Variants in ACSL1 observed in about 807,000 individuals in gnomAD.
The protein encoded by ACSL1 is acyl-CoA synthetase long chain family member 1.
ACSL1 carries 41 observed loss-of-function variants against 98.4 expected under a neutral mutation model. That is an observed-to-expected ratio of 0.42 (90% CI 0.32 to 0.54). ACSL1 has a LOEUF of 0.54. Ranked by LOEUF, ACSL1 falls within the 20% of genes least tolerant of loss-of-function variation. ACSL1 has a pLI of 0.13. For synonymous variants in ACSL1, 316 were observed against 322.7 expected (o/e 0.98, Z 0.22); for missense variants, 734 against 883.1 (o/e 0.83, Z 2.14).
intron 16 of ACSL1, among the ~76,000 whole-genome samples, chr4:184,762,877 C>T (rs1298734407): frequency 6.6e-6 from 1 of 152,234 alleles, no homozygotes; most frequent in African/African-American, 2.4e-5. Context: ...AATCAACAGG[C>T]AGGACCTTCG....
intron 18 of ACSL1, among the ~76,000 whole-genome samples, chr4:184,760,039 AC>A (rs1762639950): frequency 6.6e-6 from 1 of 152,096 alleles, no homozygotes; most frequent in Non-Finnish European, 1.5e-5. Flanking sequence ...CTTTCTTATA[AC>A]CCATGTCAAT....
At chr4:184,802,657 C>T (rs55818612) in intron 2 of ACSL1, among the ~76,000 whole-genome samples, 15,373 of 152,248 alleles carry the variant, frequency 0.1, 952 homozygotes, top group Non-Finnish European at 0.14. Flanking sequence ...GGTTTCCTTA[C>T]GCCATCCCTC....
chr4:184,796,766 T>A (rs553357414), intron 2 of ACSL1, among the ~76,000 whole-genome samples: 10 of 152,340 alleles, frequency 6.6e-5, no homozygotes, highest in Admixed American at 6.5e-4. Flanking sequence ...TGATTTCTGT[T>A]CCAAAGCTTC....
In ACSL1 at chr4:184,803,317, C is replaced by T; in HGVS notation, c.195+3G>A. Reference sequence around the variant, plus strand: ...CACGAGGCAGGCTGGGCCCTCCACTCACCGCCACTTCCACTGACTGCATGG... The same window carrying T: ...CACGAGGCAGGCTGGGCCCTCCACTTACCGCCACTTCCACTGACTGCATGG... On this transcript the variant is annotated splice_donor_region_variant and intron_variant, in intron 2 of 20. Transcript: ENST00000281455. This position sits in a 1 kb window ranked among gnomAD's most constrained non-coding sequence, Gnocchi z 4.8. The T allele has an allele frequency of 6.4e-7, 1 of 1,569,328 alleles. No individual in the cohort carries two copies.
intron 2 of ACSL1, among the ~76,000 whole-genome samples, chr4:184,794,970 C>T (rs965427248): frequency 6.6e-6 from 1 of 152,018 alleles, no homozygotes; most frequent in African/African-American, 2.4e-5. Flanking sequence ...GAGGCTGACA[C>T]GGTACTTCGC....
At chr4:184,782,428 C>T (rs1299771738) in intron 4 of ACSL1, among the ~76,000 whole-genome samples, 2 of 152,070 alleles carry the variant, frequency 1.3e-5, no homozygotes, top group East Asian at 1.9e-4. Context: ...TAGATTCACA[C>T]CTTCAGAAAC....
rs578052191 is a variant in ACSL1, at chr4:184,806,239, A to G, written c.-32-2693T>C. ...GAGGAAGGGATGTACACCAGGCGGG[A>G]TAAGCAGACAAATCAAGTCCATGTC... On this transcript the variant is annotated intron_variant, in intron 1 of 20. Transcript: ENST00000281455. Among the ~76,000 whole-genome samples, 3 of 152,312 alleles carry G rather than the reference A, an allele frequency of 2.0e-5. No individual in the cohort carries two copies. The South Asian group carries it at 6.2e-4, about 32-fold the overall frequency.
intron 4 of ACSL1, among the ~76,000 whole-genome samples, chr4:184,783,134 T>C (rs116764748): frequency 1.5e-3 from 228 of 152,278 alleles, no homozygotes; most frequent in African/African-American, 5.1e-3. Context: ...GGGTGCCGTG[T>C]GGACTGGGGA....
rs1763083699 is a variant in ACSL1, at chr4:184,763,114, C to A, written c.1521+53G>T. Reference sequence around the variant, plus strand: ...GAAATACCACAGCATTCGCAAAGGCCAGCGATCACAGGAAATGGCAGCGAG... The same window carrying A: ...GAAATACCACAGCATTCGCAAAGGCAAGCGATCACAGGAAATGGCAGCGAG... On this transcript the variant is annotated intron_variant, in intron 16 of 20. Transcript: ENST00000281455. 3 of 1,583,878 alleles carry A rather than the reference C, an allele frequency of 1.9e-6. No homozygotes were observed. The East Asian group carries it at 6.7e-5, about 36-fold the overall frequency.
At chr4:184,791,481 A>C (rs1301534503) in intron 2 of ACSL1, among the ~76,000 whole-genome samples, 2 of 152,248 alleles carry the variant, frequency 1.3e-5, no homozygotes, top group Non-Finnish European at 2.9e-5. Flanking sequence ...AAATCACACC[A>C]GACCTGCTGA....
Position 184,757,945 on chromosome 4 carries a change from T to C in ACSL1, c.1783-25A>G, listed in dbSNP as rs1401301421. The stretch of plus-strand genomic sequence containing the variant: ...CCTTTAACACAGACAAATGAGTTAT[T>C]ACATAGCTTGATCCAAATGCTCTAA... On this transcript the variant is annotated intron_variant, in intron 18 of 20. Coordinates refer to ENST00000281455, the MANE Select transcript of ACSL1 (RefSeq NM_001995.5). The surrounding 1 kb of genome is among the most constrained non-coding windows in gnomAD (Gnocchi z 4.5). 6.3e-7 allele frequency: 1 copy of C among 1,596,834 alleles called. No individual in the cohort carries two copies. Among genetic ancestry groups the C allele is most frequent in the East Asian group, 2.2e-5 (1 of 44,794 alleles).
intron 1 of ACSL1, among the ~76,000 whole-genome samples, chr4:184,820,297 G>A (rs1561252018): frequency 6.6e-6 from 1 of 152,184 alleles, no homozygotes; most frequent in African/African-American, 2.4e-5. Flanking sequence ...GATTACAGGC[G>A]TGAGCCACTG....
At chr4:184,812,168 G>A (rs377328332) in intron 1 of ACSL1, 3 of 984,404 alleles carry the variant, frequency 3.0e-6, no homozygotes, top group African/African-American at 3.5e-5. Flanking sequence ...ACAGCGAATG[G>A]TACTTAGTAC....
At position 184,773,674 on chromosome 4, in the gene ACSL1, C is replaced by T; in HGVS notation, c.830G>A (p.Ser277Asn). The T allele has an allele frequency of 6.2e-7, 1 of 1,611,550 alleles. No individual in the cohort carries two copies. The highest frequency in any genetic ancestry group is 8.5e-7 in the Non-Finnish European group (1 of 1,179,262). ...ATCTCAAAACTCACCTGTAGTTCCA[C>T]TTGTGAAACAAATTACTGCAAGATC... ...PEDLAVICFTSGTTGNPKGAM... is the reference protein window; with the variant it reads ...PEDLAVICFTNGTTGNPKGAM... Residue 277 changes from serine to asparagine, a missense_variant, in exon 9 of 21, where the codon AGT (serine) becomes AAT (asparagine). Physicochemically the swap from Ser to Asn is conservative, Grantham distance 46 (BLOSUM62 1). Transcript: ENST00000281455. The surrounding 1 kb of genome is among the most constrained non-coding windows in gnomAD (Gnocchi z 4.3).
At position 184,757,144 on chromosome 4, in the gene ACSL1, T is replaced by C. The variant is rs750519959; in HGVS notation, c.2078A>G (p.Tyr693Cys). The part of the protein sequence containing the change: ...NYFRSQIDDL[Y>C]STIKV ...TTCACACTAAACCTTGATAGTGGAA[T>C]AGAGGTCATCTATCTGCGACCTGAA... The change falls in exon 21 of 21, where the codon TAT becomes TGT. Residue 693 changes from tyrosine to cysteine, a missense_variant. Coordinates refer to ENST00000281455, the MANE Select transcript of ACSL1 (RefSeq NM_001995.5). The surrounding 1 kb of genome is among the most constrained non-coding windows in gnomAD (Gnocchi z 4.5). The C allele has an allele frequency of 6.2e-7, 1 of 1,601,260 alleles. No individual in the cohort carries two copies. The highest frequency in any genetic ancestry group is 2.2e-5 in the East Asian group (1 of 44,508).
At chr4:184,788,428 G>A in intron 3 of ACSL1, 189 bp downstream of exon 3, 1 of 681,512 alleles carries the variant, frequency 1.5e-6, no homozygotes, top group Non-Finnish European at 2.7e-6. Context: ...GAGCCCCCAG[G>A]GCCACAGGGA....
intron 2 of ACSL1, 47 bp from the exon 3 acceptor site, chr4:184,788,778 A>G (rs747396728): frequency 6.9e-7 from 1 of 1,459,206 alleles, no homozygotes; most frequent in Non-Finnish European, 9.6e-7. Context: ...TGAAACATCT[A>G]TGCACTGTGG....
chr4:184,807,797 C>T lies in ACSL1; in HGVS notation c.-32-4251G>A, dbSNP rs376842960. On this transcript the variant is annotated intron_variant, in intron 1 of 20. Transcript: ENST00000281455. ...CAAACTGATGAGGAAGAAACCAAGG[C>T]CAGAGACTTATAAGCCTTCCCCAGG... 2.6e-4 allele frequency among the ~76,000 whole-genome samples: 39 copies of T among 152,326 alleles called. 1 individual carries two copies. The East Asian group carries it at 6.4e-3, about 25-fold the overall frequency.
intron 2 of ACSL1, among the ~76,000 whole-genome samples, chr4:184,790,215 A>G (rs1000362694): frequency 1.3e-5 from 2 of 152,162 alleles, no homozygotes; most frequent in African/African-American, 4.8e-5. Flanking sequence ...TTCTATTTTT[A>G]TTAGGATTAT....
Sources: gnomAD v4.1 joint callset for allele counts (sites outside exome capture counted in the v4.1 genomes callset) on GRCh38, gnomAD v4.1.1 for gene constraint, Gnocchi (gnomAD v3.1) non-coding constraint, MANE v1.5 for transcripts, NCBI Gene and HGNC (gene_info 2026-07-23, HGNC 2026-07-21) for gene names.